PRKACB: variants seen among roughly 807,000 people sequenced by gnomAD.
PRKACB encodes the protein protein kinase cAMP-activated catalytic subunit beta.
A neutral mutation model predicts 51.4 loss-of-function variants in PRKACB; 16 were observed. The ratio of observed to expected loss-of-function variants is 0.31; its 90% CI spans 0.21 to 0.47. The LOEUF (loss-of-function observed/expected upper bound fraction) is 0.47. Among genes scored for constraint, PRKACB ranks in the 20% least tolerant of loss-of-function variants. PRKACB has a pLI of 1.00. For missense variants in PRKACB, 309 were observed against 464.5 expected, an observed-to-expected ratio of 0.67 and a Z score of 3.08; for synonymous variants, 147 against 154.4, an observed-to-expected ratio of 0.95 and a Z score of 0.35.
chr1:84,138,282 T>C (rs1181397827), intron 1 of PRKACB, among the ~76,000 whole-genome samples: 1 of 152,132 alleles, frequency 6.6e-6, no homozygotes, highest in East Asian at 1.9e-4. Flanking sequence ...TAGGAGGAAG[T>C]TGATGGAGCT....
At chr1:84,085,502 T>C (rs1286179935) in intron 1 of PRKACB, among the ~76,000 whole-genome samples, 2 of 152,176 alleles carry the variant, frequency 1.3e-5, no homozygotes, top group Non-Finnish European at 2.9e-5. Context: ...TTCTATTATA[T>C]TTATTAAAAG....
rs1658360879 is a variant in PRKACB, at chr1:84,168,708, T to C, written c.188-10469T>C. ...AGTTTTAACTTGAGTAGCTTTTCTT[T>C]ATGGAAAAGAAAGAAATAATAGTTT... On this transcript the variant is annotated intron_variant, in intron 1 of 9. Transcript: ENST00000370685. Among the ~76,000 whole-genome samples, 7 of 151,602 alleles carry C rather than the reference T, an allele frequency of 4.6e-5. No individual in the cohort carries two copies. The Admixed American group carries it at 4.6e-4, about 10-fold the overall frequency.
At chr1:84,102,268 T>TCCCAG (rs1299119790) in intron 1 of PRKACB, among the ~76,000 whole-genome samples, 1 of 151,536 alleles carries the variant, frequency 6.6e-6, no homozygotes, top group African/African-American at 2.4e-5. Context: ...GCACCTGTAG[T>TCCCAG]CCCAGCTGCT....
Position 84,226,284 on chromosome 1 carries a change from T to C in PRKACB, c.1072-8896T>C, listed in dbSNP as rs545579234. On this transcript the variant is annotated intron_variant, in intron 9 of 9. Coordinates refer to ENST00000370685, the MANE Select transcript of PRKACB (RefSeq NM_182948.4). ...GTTTGTGGGTTTTTTGTTTTTTTTTTTGGTCTCTCTAAAGATTTATTGAAT... is the reference window on the plus strand; with the variant it reads ...GTTTGTGGGTTTTTTGTTTTTTTTTCTGGTCTCTCTAAAGATTTATTGAAT... Among the ~76,000 whole-genome samples, 339 of 151,362 alleles carry C rather than the reference T, an allele frequency of 2.2e-3. 2 individuals carry two copies. Among genetic ancestry groups the C allele is most frequent in the African/African-American group, 7.8e-3 (323 of 41,420 alleles).
intron 5 of PRKACB, among the ~76,000 whole-genome samples, chr1:84,195,880 T>G (rs1487501538): frequency 1.3e-5 from 2 of 148,242 alleles, no homozygotes; most frequent in African/African-American, 5.0e-5. Context: ...GCCACTGCAC[T>G]CCAGCCTGGG....
chr1:84,192,410 G>T (rs1351951565), intron 5 of PRKACB, among the ~76,000 whole-genome samples: 3 of 151,956 alleles, frequency 2.0e-5, no homozygotes, highest in African/African-American at 7.3e-5. Context: ...TTAGTATAGG[G>T]ACAGTGTCCT....
Position 84,235,423 on chromosome 1 carries a change from A to C in PRKACB, c.*118A>C. On this transcript the variant is annotated 3_prime_UTR_variant, in exon 10 of 10. Coordinates refer to ENST00000370685, the MANE Select transcript of PRKACB (RefSeq NM_182948.4). ...CCTAGTTCCTTCATTCCAACGACTG[A>C]GTGAGGTCTTTATTGCCATCATCCC... 7.3e-7 allele frequency: 1 copy of C among 1,363,110 alleles called. No homozygotes were observed. 84.4% of individuals were successfully genotyped at this position (1,363,110 alleles called of 1,614,324 possible).
chr1:84,110,816 A>T (rs938550321), intron 1 of PRKACB, among the ~76,000 whole-genome samples: 4 of 152,034 alleles, frequency 2.6e-5, no homozygotes, highest in African/African-American at 7.2e-5. Flanking sequence ...TGGGGAAATT[A>T]TCGTTTCCTG....
chr1:84,112,160 A>G (rs1413896023), intron 1 of PRKACB, among the ~76,000 whole-genome samples: 1 of 151,458 alleles, frequency 6.6e-6, no homozygotes, highest in Non-Finnish European at 1.5e-5. Context: ...CATTGGTGAC[A>G]TTGCCATTAG....
At chr1:84,102,197 C>T (rs1351910148) in intron 1 of PRKACB, among the ~76,000 whole-genome samples, 6 of 150,582 alleles carry the variant, frequency 4.0e-5, no homozygotes, top group Non-Finnish European at 8.9e-5. Context: ...GGTGAAACCC[C>T]ATCTCTACTA....
chr1:84,230,370 G>A (rs182336361), intron 9 of PRKACB, among the ~76,000 whole-genome samples: 1 of 152,322 alleles, frequency 6.6e-6, no homozygotes, highest in East Asian at 1.9e-4. Context: ...GTAGTGAGAT[G>A]CCTCCAGCTT....
intron 1 of PRKACB, among the ~76,000 whole-genome samples, chr1:84,167,568 TG>T (rs1657925181): frequency 6.6e-6 from 1 of 151,626 alleles, no homozygotes; most frequent in East Asian, 1.9e-4. Context: ...ATTATAAATT[TG>T]TATGTCACTT....
upstream of PRKACB, among the ~76,000 whole-genome samples, chr1:84,139,760 C>T (rs567080700): frequency 3.9e-5 from 6 of 151,990 alleles, no homozygotes; most frequent in South Asian, 2.1e-4. Flanking sequence ...AAAACAACTT[C>T]GAAAAAAAGG....
At chr1:84,176,923 T>C (rs1234918038) in intron 1 of PRKACB, among the ~76,000 whole-genome samples, 4 of 151,984 alleles carry the variant, frequency 2.6e-5, no homozygotes, top group Non-Finnish European at 4.4e-5. Flanking sequence ...TCTTTTAGCT[T>C]ATCACCAGGC....
intron 8 of PRKACB, among the ~76,000 whole-genome samples, chr1:84,211,752 CT>C (rs1179730867): frequency 6.6e-6 from 1 of 152,104 alleles, no homozygotes; most frequent in African/African-American, 2.4e-5. Context: ...TGCTTCACCC[CT>C]ACCTATGAAA....
chr1:84,089,917 G>A (rs1310183150), intron 1 of PRKACB, among the ~76,000 whole-genome samples: 4 of 151,880 alleles, frequency 2.6e-5, no homozygotes, highest in Non-Finnish European at 1.5e-5. Context: ...AACCATTCTA[G>A]ATTACTTGGT....
Position 84,179,952 on chromosome 1 carries a change from C to G in PRKACB, c.249+714C>G, listed in dbSNP as rs373899758. Among the ~76,000 whole-genome samples, 8 of 149,128 alleles carry G rather than the reference C, an allele frequency of 5.4e-5. No individual in the cohort carries two copies. In the South Asian group the frequency reaches 8.6e-4, roughly 16 times the overall value. ...TAATGCTATCCCTCCCCTAGCCCCC[C>G]ACCCCGCGACAGGCCCCGGTGTGTG... On this transcript the variant is annotated intron_variant, in intron 2 of 9. Coordinates refer to ENST00000370685, the MANE Select transcript of PRKACB (RefSeq NM_182948.4).
At chr1:84,120,636 A>G (rs1381842958) in intron 1 of PRKACB, among the ~76,000 whole-genome samples, 2 of 152,132 alleles carry the variant, frequency 1.3e-5, no homozygotes, top group African/African-American at 2.4e-5. Flanking sequence ...TTCACTTCAT[A>G]TGTTTACAAG....
intron 8 of PRKACB, among the ~76,000 whole-genome samples, chr1:84,208,370 A>G (rs1014509759): frequency 6.6e-6 from 1 of 152,254 alleles, no homozygotes; most frequent in South Asian, 2.1e-4. Flanking sequence ...TTCGTTTAAC[A>G]TATTACATAA....
Sources: allele counts gnomAD v4.1 joint callset (sites outside exome capture counted in the v4.1 genomes callset), GRCh38; gene constraint gnomAD v4.1.1; transcripts MANE v1.5; gene names NCBI Gene and HGNC (gene_info 2026-07-23, HGNC 2026-07-21).